CNTNAP2: variants seen among roughly 807,000 people sequenced by gnomAD.
The protein encoded by CNTNAP2 is contactin-associated protein-like 2.
Under a neutral mutation model 155.2 loss-of-function variants are expected in CNTNAP2, and 98 were observed. That is an observed-to-expected ratio of 0.63 (90% CI 0.54 to 0.75). The LOEUF (loss-of-function observed/expected upper bound fraction) is 0.75, where lower values mean the gene tolerates loss of function less well. CNTNAP2 is among the 30% of genes least tolerant of loss of function. The pLI is 0.00. For synonymous variants in CNTNAP2, 651 were observed against 631.2 expected (o/e 1.03, Z -0.47); for missense variants, 1,727 against 1,688.1 (o/e 1.02, Z -0.40).
At chr7:147,582,144 T>C (rs78178558) in intron 12 of CNTNAP2, among the ~76,000 whole-genome samples, 2,179 of 152,032 alleles carry the variant, frequency 0.014, 46 homozygotes, top group African/African-American at 0.049. Flanking sequence ...CTAATGAGAG[T>C]TGTGGTGTTG....
At chr7:147,625,394 A>C (rs185590703) in intron 12 of CNTNAP2, among the ~76,000 whole-genome samples, 4 of 152,294 alleles carry the variant, frequency 2.6e-5, no homozygotes, top group Admixed American at 1.3e-4. Flanking sequence ...TGATGTACCC[A>C]CAAAAATTTA....
intron 9 of CNTNAP2, among the ~76,000 whole-genome samples, chr7:147,393,446 C>G (rs1584921293): frequency 7.5e-6 from 1 of 133,646 alleles, no homozygotes; most frequent in Non-Finnish European, 1.6e-5. Context: ...TGAAATCTTT[C>G]AAAGCTAGTG....
At chr7:147,415,565 A>G (rs1196567769) in intron 10 of CNTNAP2, among the ~76,000 whole-genome samples, 1 of 152,138 alleles carries the variant, frequency 6.6e-6, no homozygotes, top group Admixed American at 6.5e-5. Flanking sequence ...ACCTTCGGCC[A>G]TGATTGTGTT....
intron 1 of CNTNAP2, among the ~76,000 whole-genome samples, chr7:146,666,521 G>T (rs539747543): frequency 3.7e-4 from 57 of 152,220 alleles, no homozygotes; most frequent in African/African-American, 1.3e-3. Flanking sequence ...GCCAAGTAGT[G>T]GGATTGCTGG....
chr7:147,891,664 TA>T (rs925045364), intron 13 of CNTNAP2, among the ~76,000 whole-genome samples: 4 of 151,928 alleles, frequency 2.6e-5, no homozygotes, highest in East Asian at 1.9e-4. Context: ...CAAATTCATT[TA>T]AAAAAAACAA....
At chr7:147,239,210 C>G (rs2116633703) in intron 8 of CNTNAP2, among the ~76,000 whole-genome samples, 1 of 152,000 alleles carries the variant, frequency 6.6e-6, no homozygotes, top group South Asian at 2.1e-4. Flanking sequence ...GAGTTTACAT[C>G]TCAAAACCTG....
At chr7:146,214,621 G>A (rs1340143625) in intron 1 of CNTNAP2, among the ~76,000 whole-genome samples, 3 of 152,082 alleles carry the variant, frequency 2.0e-5, no homozygotes, top group Non-Finnish European at 4.4e-5. Flanking sequence ...AGATTCTGTT[G>A]ATCCTAAATT....
chr7:147,087,301 G>A (rs1584831041), intron 4 of CNTNAP2, among the ~76,000 whole-genome samples: 4 of 152,258 alleles, frequency 2.6e-5, no homozygotes, highest in Admixed American at 2.6e-4. Context: ...AGGATATTGA[G>A]TGGCAGAGTG....
chr7:147,544,613 G>T lies in CNTNAP2; in HGVS notation c.1778-17525G>T, dbSNP rs191902628. 3.2e-3 allele frequency among the ~76,000 whole-genome samples: 481 copies of T among 151,846 alleles called. 3 individuals are homozygous for T. Among genetic ancestry groups the T allele is most frequent in the African/African-American group, 0.011 (463 of 41,408 alleles). On this transcript the variant is annotated intron_variant, in intron 11 of 23. Transcript: ENST00000361727. Reference sequence around the variant, plus strand: ...GGCCCTAGAAACTTGTGCCTGTGTTGTCTTCTTTCTCTATTAATATTATAT... The same window carrying T: ...GGCCCTAGAAACTTGTGCCTGTGTTTTCTTCTTTCTCTATTAATATTATAT...
intron 21 of CNTNAP2, among the ~76,000 whole-genome samples, chr7:148,301,893 G>A (rs1238671362): frequency 3.9e-5 from 6 of 152,204 alleles, no homozygotes; most frequent in African/African-American, 7.2e-5. Flanking sequence ...GTGGATGGAC[G>A]AGACACCTGG....
intron 1 of CNTNAP2, among the ~76,000 whole-genome samples, chr7:146,633,852 A>G (rs907026114): frequency 6.7e-6 from 1 of 148,634 alleles, no homozygotes; most frequent in Non-Finnish European, 1.5e-5. Flanking sequence ...AAAAAAAAAA[A>G]AAAACAGAAA....
intron 8 of CNTNAP2, among the ~76,000 whole-genome samples, chr7:147,283,509 AAAAAAGAT>A (rs1805099598): frequency 6.6e-6 from 1 of 151,892 alleles, no homozygotes; most frequent in Admixed American, 6.6e-5. Flanking sequence ...CTATATAATA[AAAAAAGAT>A]TATCTGTGGA....
intron 1 of CNTNAP2, among the ~76,000 whole-genome samples, chr7:146,762,688 T>G (rs1802124221): frequency 6.6e-6 from 1 of 152,054 alleles, no homozygotes; most frequent in Non-Finnish European, 1.5e-5. Context: ...GGGTAACTCA[T>G]AAAGCAAAAA....
intron 10 of CNTNAP2, among the ~76,000 whole-genome samples, chr7:147,403,304 G>A (rs1172981022): frequency 1.3e-5 from 2 of 152,132 alleles, no homozygotes; most frequent in African/African-American, 4.8e-5. Flanking sequence ...TATATTGACT[G>A]TTGTCTCATG....
At chr7:147,276,886 T>C (rs1051828591) in intron 8 of CNTNAP2, among the ~76,000 whole-genome samples, 1 of 151,666 alleles carries the variant, frequency 6.6e-6, no homozygotes, top group Admixed American at 6.6e-5. Context: ...CAATGTGCAA[T>C]GCAATTTAGC....
intron 1 of CNTNAP2, among the ~76,000 whole-genome samples, chr7:146,512,911 A>G (rs995861731): frequency 2.6e-5 from 4 of 151,834 alleles, no homozygotes; most frequent in Non-Finnish European, 5.9e-5. Context: ...CTATTATTTT[A>G]TTGTGGTGTA....
intron 3 of CNTNAP2, among the ~76,000 whole-genome samples, chr7:146,942,098 A>G (rs1797069050): frequency 6.6e-6 from 1 of 151,828 alleles, no homozygotes. Flanking sequence ...TTCTTTTAAT[A>G]TTTCTCTTTC....
intron 1 of CNTNAP2, among the ~76,000 whole-genome samples, chr7:146,261,619 A>C (rs925279180): frequency 1.3e-5 from 2 of 151,904 alleles, no homozygotes; most frequent in Non-Finnish European, 2.9e-5. Flanking sequence ...ATCTTCTAAA[A>C]ATTTCTAGGG....
At chr7:147,227,604 A>C (rs1803578110) in intron 8 of CNTNAP2, among the ~76,000 whole-genome samples, 1 of 152,196 alleles carries the variant, frequency 6.6e-6, no homozygotes, top group Admixed American at 6.5e-5. Flanking sequence ...AGTGAGGGTC[A>C]TGGAGGACAT....
Sources: gnomAD v4.1 joint callset for allele counts (sites outside exome capture counted in the v4.1 genomes callset) on GRCh38, gnomAD v4.1.1 for gene constraint, MANE v1.5 for transcripts, NCBI Gene and HGNC (gene_info 2026-07-23, HGNC 2026-07-21) for gene names.